CLSTN2: variants seen among roughly 807,000 people sequenced by gnomAD.
CLSTN2 encodes the protein calsyntenin 2, also known as calsyntenin-2.
A neutral mutation model predicts 101.2 loss-of-function variants in CLSTN2; 48 were observed. The observed-to-expected ratio is 0.47, with a 90% confidence interval of 0.38 to 0.60. CLSTN2 has a LOEUF of 0.60. Ranked by LOEUF, CLSTN2 falls within the 20% of genes least tolerant of loss-of-function variation. The probability of loss-of-function intolerance (pLI) is 0.00; values close to 1 mark genes in which losing one functional copy is unlikely to be tolerated. For synonymous variants in CLSTN2, 481 were observed against 463.6 expected (o/e 1.04, Z -0.48); for missense variants, 1,160 against 1,238.2 (o/e 0.94, Z 0.95).
chr3:140,413,914 G>A (rs2088395951), intron 4 of CLSTN2, among the ~76,000 whole-genome samples: 2 of 152,048 alleles, frequency 1.3e-5, no homozygotes, highest in African/African-American at 4.8e-5. Context: ...AATAAAGACT[G>A]TATATTACAA....
At chr3:139,969,852 C>G (rs552603655) in intron 1 of CLSTN2, among the ~76,000 whole-genome samples, 1 of 152,206 alleles carries the variant, frequency 6.6e-6, no homozygotes, top group South Asian at 2.1e-4. Flanking sequence ...CCCTTTGGAC[C>G]CACATCATGG....
chr3:140,212,895 G>A (rs951508556), intron 2 of CLSTN2, among the ~76,000 whole-genome samples: 5 of 152,180 alleles, frequency 3.3e-5, no homozygotes, highest in Non-Finnish European at 7.3e-5. Context: ...TTCATTCCCT[G>A]TTGTGATTGC....
intron 2 of CLSTN2, among the ~76,000 whole-genome samples, chr3:140,229,343 G>T (rs1450550817): frequency 6.6e-6 from 1 of 152,166 alleles, no homozygotes; most frequent in Non-Finnish European, 1.5e-5. Flanking sequence ...CATTAGCAAA[G>T]TAATAAAATC....
chr3:140,309,634 A>G (rs1375172787), intron 2 of CLSTN2, among the ~76,000 whole-genome samples: 1 of 152,132 alleles, frequency 6.6e-6, no homozygotes, highest in Non-Finnish European at 1.5e-5. Context: ...AGGGTCCCTC[A>G]GTGATCAAGA....
chr3:140,152,183 C>T (rs556019702), intron 1 of CLSTN2, among the ~76,000 whole-genome samples: 1 of 152,100 alleles, frequency 6.6e-6, no homozygotes, highest in African/African-American at 2.4e-5. Context: ...TACAAAGAGC[C>T]CTGAATCATG....
chr3:140,041,195 A>T (rs1369349004), intron 1 of CLSTN2, among the ~76,000 whole-genome samples: 6 of 152,192 alleles, frequency 3.9e-5, no homozygotes, highest in Non-Finnish European at 8.8e-5. Flanking sequence ...GACTTTAATT[A>T]ACTGACTCGA....
chr3:140,361,513 CA>C (rs767310940), intron 2 of CLSTN2, among the ~76,000 whole-genome samples: 56 of 152,166 alleles, frequency 3.7e-4, no homozygotes, highest in Non-Finnish European at 7.1e-4. Flanking sequence ...ATATTAAAGA[CA>C]TTTGGATTGG....
At chr3:140,423,895 C>A (rs1035932649) in intron 5 of CLSTN2, among the ~76,000 whole-genome samples, 2 of 152,200 alleles carry the variant, frequency 1.3e-5, no homozygotes, top group African/African-American at 2.4e-5. Context: ...TGGGACCTGA[C>A]CCTGGCCAAT....
chr3:140,349,855 C>T lies in CLSTN2; in HGVS notation c.233-53774C>T, dbSNP rs116485136. Among the ~76,000 whole-genome samples, 809 of 152,262 alleles carry T rather than the reference C, an allele frequency of 5.3e-3. 3 individuals carry two copies. The highest frequency in any genetic ancestry group is 0.018 in the African/African-American group (753 of 41,562). ...GTGAGCACCCACCCACCTGTTTCACCATCACTCTGTCCTGATGGCAGGCTT... is the reference window on the plus strand; with the variant it reads ...GTGAGCACCCACCCACCTGTTTCACTATCACTCTGTCCTGATGGCAGGCTT... On this transcript the variant is annotated intron_variant, in intron 2 of 16. Transcript: ENST00000458420.
intron 5 of CLSTN2, among the ~76,000 whole-genome samples, chr3:140,433,651 C>T (rs541296911): frequency 6.6e-6 from 1 of 152,218 alleles, no homozygotes; most frequent in African/African-American, 2.4e-5. Context: ...AGTCAGTGAA[C>T]CTCTCAGAAC....
chr3:140,372,212 C>T (rs1283855754), intron 2 of CLSTN2, among the ~76,000 whole-genome samples: 4 of 152,180 alleles, frequency 2.6e-5, no homozygotes, highest in African/African-American at 9.6e-5. Context: ...CCTCAGTCTG[C>T]TTCCTCAGAG....
At chr3:140,052,446 G>A (rs1308022941) in intron 1 of CLSTN2, among the ~76,000 whole-genome samples, 4 of 152,084 alleles carry the variant, frequency 2.6e-5, no homozygotes, top group Non-Finnish European at 5.9e-5. Flanking sequence ...ATAAGCCACC[G>A]CACCTGGCCA....
At chr3:139,994,433 C>T (rs1340910168) in intron 1 of CLSTN2, among the ~76,000 whole-genome samples, 1 of 152,174 alleles carries the variant, frequency 6.6e-6, no homozygotes, top group Non-Finnish European at 1.5e-5. Flanking sequence ...AGAAATGATG[C>T]CTTACTTTAG....
chr3:140,156,904 T>C (rs1029764488), intron 1 of CLSTN2, among the ~76,000 whole-genome samples: 11 of 152,292 alleles, frequency 7.2e-5, no homozygotes, highest in African/African-American at 2.6e-4. Context: ...TGTTTAATCC[T>C]GTCTTGGTGT....
chr3:140,140,044 C>G (rs1357082892), intron 1 of CLSTN2, among the ~76,000 whole-genome samples: 1 of 152,128 alleles, frequency 6.6e-6, no homozygotes, highest in African/African-American at 2.4e-5. Context: ...TGTTAAAATG[C>G]AGGTTTTCTG....
chr3:140,012,204 A>G (rs1229969989), intron 1 of CLSTN2, among the ~76,000 whole-genome samples: 1 of 152,000 alleles, frequency 6.6e-6, no homozygotes, highest in Non-Finnish European at 1.5e-5. Flanking sequence ...TTGCAAGGAG[A>G]ATGCCAAGAG....
intron 2 of CLSTN2, among the ~76,000 whole-genome samples, chr3:140,293,750 G>A (rs1447364504): frequency 6.6e-6 from 1 of 152,134 alleles, no homozygotes; most frequent in Non-Finnish European, 1.5e-5. Flanking sequence ...CTGACAATTT[G>A]ATTCTGGGCT....
At chr3:140,500,745 C>T (rs1227172683) in intron 8 of CLSTN2, among the ~76,000 whole-genome samples, 1 of 152,082 alleles carries the variant, frequency 6.6e-6, no homozygotes, top group African/African-American at 2.4e-5. Flanking sequence ...TTGTAGAACG[C>T]ATATTATACC....
intron 2 of CLSTN2, among the ~76,000 whole-genome samples, chr3:140,183,790 T>C (rs2010444476): frequency 6.6e-6 from 1 of 152,196 alleles, no homozygotes; most frequent in Non-Finnish European, 1.5e-5. Context: ...GCACACACTA[T>C]ATCATAATTT....
Sources: allele counts gnomAD v4.1 joint callset (sites outside exome capture counted in the v4.1 genomes callset), GRCh38; gene constraint gnomAD v4.1.1; transcripts MANE v1.5; gene names NCBI Gene and HGNC (gene_info 2026-07-23, HGNC 2026-07-21).